AGK: variants seen among roughly 807,000 people sequenced by gnomAD.
The protein encoded by AGK is acylglycerol kinase.
In AGK, 52 loss-of-function variants were observed where a neutral mutation model predicts 66.4. The ratio of observed to expected loss-of-function variants is 0.78; its 90% CI spans 0.63 to 0.99. The LOEUF (loss-of-function observed/expected upper bound fraction) is 0.99, where lower values mean the gene tolerates loss of function less well. Ranked by LOEUF, AGK falls within the 50% of genes least tolerant of loss-of-function variation. The pLI is 0.00. For missense variants in AGK, 451 were observed against 506.6 expected, an observed-to-expected ratio of 0.89 and a Z score of 1.05; for synonymous variants, 182 against 181.1, an observed-to-expected ratio of 1.00 and a Z score of -0.04.
intron 5 of AGK, 86 bp downstream of exon 5, chr7:141,601,366 T>G: frequency 9.5e-7 from 1 of 1,048,864 alleles, no homozygotes; most frequent in Non-Finnish European, 1.4e-6. Context: ...CAAAAATTGC[T>G]TGTCACAAGA....
In AGK at chr7:141,641,902, C is replaced by T. The variant is rs775777094; in HGVS notation, c.969C>T (p.Asp323=). The change falls in exon 13 of 16, where the codon GAC becomes GAT. Residue 323 remains aspartate (D), a synonymous_variant. Coordinates refer to ENST00000649286, the MANE Select transcript of AGK (RefSeq NM_018238.4). Reference sequence around the variant, plus strand: ...TCACAACACGGAATAATCAGCTTGACCCGACAGTAAGTGTGCTTTTTTATT... The same window carrying T: ...TCACAACACGGAATAATCAGCTTGATCCGACAGTAAGTGTGCTTTTTTATT... ...LSITTRNNQL[D]PTSKEDFLNI... 6.3e-6 allele frequency: 10 copies of T among 1,575,424 alleles called. No individual in the cohort carries two copies. Among genetic ancestry groups the T allele is most frequent in the Non-Finnish European group, 8.6e-6 (10 of 1,159,358 alleles).
intron 2 of AGK, among the ~76,000 whole-genome samples, chr7:141,563,635 A>G (rs867810341): frequency 6.6e-6 from 1 of 152,018 alleles, no homozygotes; most frequent in African/African-American, 2.4e-5. Context: ...CCCCCTTCTC[A>G]TTGGTTGAAT....
At chr7:141,649,703 G>A (rs558090117) in intron 14 of AGK, among the ~76,000 whole-genome samples, 47 of 152,328 alleles carry the variant, frequency 3.1e-4, no homozygotes, top group Middle Eastern at 3.4e-3. Context: ...AATTCTTTCC[G>A]TCTACAGAAT....
At chr7:141,572,634 T>G (rs891592830) in intron 2 of AGK, among the ~76,000 whole-genome samples, 2 of 152,214 alleles carry the variant, frequency 1.3e-5, no homozygotes, top group Admixed American at 6.5e-5. Flanking sequence ...ACTAGGTAGT[T>G]GACTGGGCAT....
At position 141,604,421 on chromosome 7, in the gene AGK, C is replaced by T. The variant is rs1039246330; in HGVS notation, c.297+3141C>T. On this transcript the variant is annotated intron_variant, in intron 5 of 15. Coordinates refer to ENST00000649286, the MANE Select transcript of AGK (RefSeq NM_018238.4). ...ATATATATACACATACATACACACA[C>T]ACACATATTATTTTCTGGCTTGTTT... 3.7e-4 allele frequency among the ~76,000 whole-genome samples: 52 copies of T among 141,474 alleles called. 1 individual carries two copies. The highest frequency in any genetic ancestry group is 1.3e-3 in the African/African-American group (50 of 39,436). The allele number at this position is 141,474 out of a possible 152,430, so 92.8% of individuals were successfully genotyped here.
chr7:141,560,475 TTTAA>T (rs1795316098), intron 2 of AGK, among the ~76,000 whole-genome samples: 1 of 152,044 alleles, frequency 6.6e-6, no homozygotes, highest in Non-Finnish European at 1.5e-5. Flanking sequence ...TTTGTTTTAT[TTTAA>T]TAGTTTTTGG....
At chr7:141,582,633 A>G (rs1252776359) in intron 2 of AGK, among the ~76,000 whole-genome samples, 1 of 152,044 alleles carries the variant, frequency 6.6e-6, no homozygotes, top group Non-Finnish European at 1.5e-5. Flanking sequence ...ATTTGATGAA[A>G]AAGAGCCTAA....
At chr7:141,601,535 T>G (rs1012967095) in intron 5 of AGK, among the ~76,000 whole-genome samples, 1 of 152,220 alleles carries the variant, frequency 6.6e-6, no homozygotes, top group African/African-American at 2.4e-5. Context: ...ATTACATCTC[T>G]TGGAAGATGA....
chr7:141,624,783 A>G (rs1796900486), intron 9 of AGK, among the ~76,000 whole-genome samples: 1 of 152,232 alleles, frequency 6.6e-6, no homozygotes, highest in South Asian at 2.1e-4. Context: ...GATTTAAAAT[A>G]TTACATAAAC....
intron 5 of AGK, among the ~76,000 whole-genome samples, chr7:141,602,343 C>A (rs1405298378): frequency 6.6e-6 from 1 of 151,964 alleles, no homozygotes; most frequent in Non-Finnish European, 1.5e-5. Context: ...CCTTTTTTAC[C>A]TTTTTTAAAT....
chr7:141,576,842 A>G (rs1795750684), intron 2 of AGK, among the ~76,000 whole-genome samples: 2 of 151,902 alleles, frequency 1.3e-5, no homozygotes, highest in South Asian at 4.2e-4. Flanking sequence ...GATCGAGACC[A>G]TCCTCGCTAA....
rs147298470 is a variant in AGK, at chr7:141,555,809, A to G, written c.101+242A>G. On this transcript the variant is annotated intron_variant, in intron 2 of 15. Coordinates refer to ENST00000649286, the MANE Select transcript of AGK (RefSeq NM_018238.4). This position sits in a 1 kb window ranked among gnomAD's most constrained non-coding sequence, Gnocchi z 4.2. ...ATCAGAAAGGAAGCTATTTTTATTC[A>G]TTATATTTATAGTGGAAGAGATTAA... Among the ~76,000 whole-genome samples the G allele has an allele frequency of 9.4e-3, 1,436 of 152,364 alleles. 18 individuals are homozygous for G. Among genetic ancestry groups the G allele is most frequent in the Non-Finnish European group, 0.011 (754 of 68,034 alleles).
intron 2 of AGK, chr7:141,562,181 C>T: frequency 4.4e-6 from 2 of 454,472 alleles, no homozygotes; most frequent in Non-Finnish European, 8.8e-6. Context: ...AGACTCAGGA[C>T]CTTTGGTTAG....
chr7:141,556,926 G>C (rs1479235171), intron 2 of AGK, among the ~76,000 whole-genome samples: 1 of 152,154 alleles, frequency 6.6e-6, no homozygotes, highest in Non-Finnish European at 1.5e-5. Context: ...TCCTCTTTTA[G>C]TTTAATATGG....
chr7:141,634,308 A>G (rs1057415439), intron 10 of AGK, among the ~76,000 whole-genome samples: 2 of 152,200 alleles, frequency 1.3e-5, no homozygotes, highest in African/African-American at 4.8e-5. Flanking sequence ...ATCATTCTGC[A>G]GCTGCTTAGC....
rs201698922 is a variant in AGK at position 141,578,402 on chromosome 7, C to T, written c.102-14744C>T. ...CACTTCTTTTGTGATTCTTCACTTGCTTCGGGCCATCTGGACATATGTGTG... is the reference window on the plus strand; with the variant it reads ...CACTTCTTTTGTGATTCTTCACTTGTTTCGGGCCATCTGGACATATGTGTG... On this transcript the variant is annotated intron_variant, in intron 2 of 15. Coordinates refer to ENST00000649286, the MANE Select transcript of AGK (RefSeq NM_018238.4). Among the ~76,000 whole-genome samples, 54 of 152,024 alleles carry T rather than the reference C, an allele frequency of 3.6e-4. No individual in the cohort carries two copies. The East Asian group carries it at 9.1e-3, about 26-fold the overall frequency.
chr7:141,571,488 C>A (rs1214347417), intron 2 of AGK, among the ~76,000 whole-genome samples: 1 of 152,158 alleles, frequency 6.6e-6, no homozygotes, highest in Non-Finnish European at 1.5e-5. Flanking sequence ...GATTCCAGTG[C>A]AATTTATTTG....
Position 141,563,961 on chromosome 7 carries a change from CTGT to C in AGK, c.101+8404_101+8406del, listed in dbSNP as rs551268287. The stretch of plus-strand genomic sequence containing the variant: ...CGTTTTCACAACTAAAGGTTTGTTT[CTGT>C]TGTTGTTGTGTTTAGAGATGGGATC... On this transcript the variant is annotated intron_variant, in intron 2 of 15. Coordinates refer to ENST00000649286, the MANE Select transcript of AGK (RefSeq NM_018238.4). 5.9e-5 allele frequency among the ~76,000 whole-genome samples: 9 copies of C among 152,152 alleles called. No individual in the cohort carries two copies. The East Asian group carries it at 9.7e-4, about 16-fold the overall frequency.
intron 4 of AGK, among the ~76,000 whole-genome samples, chr7:141,600,302 C>T (rs931259652): frequency 6.6e-6 from 1 of 152,010 alleles, no homozygotes; most frequent in African/African-American, 2.4e-5. Flanking sequence ...TGAGACTATG[C>T]CATTGGTGGA....
Sources: allele counts gnomAD v4.1 joint callset (sites outside exome capture counted in the v4.1 genomes callset), GRCh38; gene constraint gnomAD v4.1.1; non-coding constraint Gnocchi (gnomAD v3.1); transcripts MANE v1.5; gene names NCBI Gene and HGNC (gene_info 2026-07-23, HGNC 2026-07-21).